Variants in RHOT2 observed in about 807,000 individuals in gnomAD.
The protein encoded by RHOT2 is ras homolog family member T2.
In RHOT2, 90 loss-of-function variants were observed where a neutral mutation model predicts 81.6. That is an observed-to-expected ratio of 1.10 (90% CI 0.93 to 1.31). The LOEUF (loss-of-function observed/expected upper bound fraction) is 1.31. Among genes scored for constraint, RHOT2 ranks in the 40% most tolerant of loss-of-function variants. The pLI is 0.00. For synonymous variants in RHOT2, 512 were observed against 370.9 expected, an observed-to-expected ratio of 1.38 and a Z score of -4.37; for missense variants, 1,014 against 841.9, an observed-to-expected ratio of 1.20 and a Z score of -2.53.
At position 671,691 on chromosome 16, in the gene RHOT2, C is replaced by A; in HGVS notation, c.870-6C>A. On this transcript the variant is annotated splice_region_variant and splice_polypyrimidine_tract_variant and intron_variant, in intron 11 of 18. Transcript: ENST00000315082. ...GGGAGCTAGACGGGCTGTGGCCTCCCTGCAGGATCCACGTGCCCCCCGGCT... is the reference window on the plus strand; with the variant it reads ...GGGAGCTAGACGGGCTGTGGCCTCCATGCAGGATCCACGTGCCCCCCGGCT... The A allele has an allele frequency of 6.2e-7, 1 of 1,611,250 alleles. No individual in the cohort carries two copies. The highest frequency in any genetic ancestry group is 8.5e-7 in the Non-Finnish European group (1 of 1,178,942).
chr16:668,918 CG>C (rs2038408132), intron 4 of RHOT2: 1 of 538,166 alleles, frequency 1.9e-6, no homozygotes. Context: ...CCCTTCCCCG[CG>C]GGCTCTCCCT....
intron 6 of RHOT2, 34 bp from the exon 7 acceptor site, chr16:670,215 C>T: frequency 1.2e-6 from 2 of 1,611,812 alleles, no homozygotes; most frequent in Non-Finnish European, 1.7e-6. Flanking sequence ...CCCCTGGCTC[C>T]CCTGCCCCTG....
chr16:673,752 T>A lies in RHOT2; in HGVS notation c.*146T>A. 2.0e-6 allele frequency: 2 copies of A among 1,011,348 alleles called. No individual in the cohort carries two copies. Among genetic ancestry groups the A allele is most frequent in the Non-Finnish European group, 2.8e-6 (2 of 703,858 alleles). 62.6% of individuals were successfully genotyped at this position (1,011,348 alleles called of 1,614,324 possible). ...ACTTTTTGTTTCTGAAGGCAGTCGA[T>A]CTGCAGCGGGGCCTTATGCTGCCAT... On this transcript the variant is annotated 3_prime_UTR_variant, in exon 19 of 19. Coordinates refer to ENST00000315082, the MANE Select transcript of RHOT2 (RefSeq NM_138769.3).
chr16:671,575 G>A (rs1446696060), intron 11 of RHOT2, 122 bp from the exon 12 acceptor site: 12 of 1,103,634 alleles, frequency 1.1e-5, no homozygotes, highest in South Asian at 8.7e-5. Flanking sequence ...GGGGCGTACA[G>A]GAGCCTCTGG....
At chr16:668,114 C>T, upstream of RHOT2, 2 of 415,204 alleles carry the variant, frequency 4.8e-6, no homozygotes, top group Non-Finnish European at 8.4e-6. Flanking sequence ...ACCGGAAGTG[C>T]GGGGCGGGCG....
Position 672,001 on chromosome 16 carries a change from A to G in RHOT2, c.1096A>G (p.Thr366Ala). The change falls in exon 13 of 19, where the codon ACC becomes GCC. Residue 366 changes from threonine (T) to alanine (A), a missense_variant and splice_region_variant. Thr to Ala is a moderately conservative substitution (Grantham distance 58). Transcript: ENST00000315082. ...LPLHGYLCQW[T>A]LVTYLDVRSC... The stretch of plus-strand genomic sequence containing the variant: ...CCTGCACGGATACCTCTGCCAGTGG[A>G]CGTAAGTGCGGCCCACACCATGCCC... 3 of 1,611,670 alleles carry G rather than the reference A, an allele frequency of 1.9e-6. No individual in the cohort carries two copies. The highest frequency in any genetic ancestry group is 2.5e-6 in the Non-Finnish European group (3 of 1,179,492).
rs761605918 is a variant in RHOT2, at chr16:672,392, C to T, written c.1326+8C>T. 58 of 1,608,010 alleles carry T rather than the reference C, an allele frequency of 3.6e-5. No homozygotes were observed. The South Asian group carries it at 6.2e-4, about 17-fold the overall frequency. ...CTCGGCCGCGGCCTGGGGGTAAGCA[C>T]CCTAGACTCCCCCACCACCCCAGGG... is the stretch of plus-strand genomic sequence containing the variant. On this transcript the variant is annotated splice_region_variant and intron_variant, in intron 15 of 18. Coordinates refer to ENST00000315082, the MANE Select transcript of RHOT2 (RefSeq NM_138769.3).
chr16:669,745 C>T (rs1156499157), intron 5 of RHOT2, 139 bp downstream of exon 5: 3 of 822,104 alleles, frequency 3.6e-6, no homozygotes, highest in African/African-American at 1.7e-5. Context: ...GACGTGGAGT[C>T]ACCCGGCCCT....
At chr16:672,024 C>G (rs1018814276) in intron 13 of RHOT2, 22 bp downstream of exon 13, 3 of 1,611,680 alleles carry the variant, frequency 1.9e-6, no homozygotes, top group Non-Finnish European at 2.5e-6. Context: ...CCACACCATG[C>G]CCGCCTGCCG....
intron 11 of RHOT2, 63 bp from the exon 12 acceptor site, chr16:671,632 CAG>C: frequency 6.5e-7 from 1 of 1,534,266 alleles, no homozygotes; most frequent in African/African-American, 1.4e-5. Flanking sequence ...GGCAGGGTGA[CAG>C]ATGGGCTGAG....
intron 15 of RHOT2, 23 bp downstream of exon 15, chr16:672,407 C>T: frequency 6.2e-7 from 1 of 1,607,470 alleles, no homozygotes; most frequent in Non-Finnish European, 8.5e-7. Context: ...GACTCCCCCA[C>T]CACCCCAGGG....
At position 668,707 on chromosome 16, in the gene RHOT2, T is replaced by A; in HGVS notation, c.222+8T>A. 6.3e-7 allele frequency: 1 copy of A among 1,592,978 alleles called. No individual in the cohort carries two copies. Among genetic ancestry groups the A allele is most frequent in the Non-Finnish European group, 8.5e-7 (1 of 1,171,878 alleles). ...CGGGAGGAGATCCACAAGGTACCCG[T>A]GGTGCGCGGGACGAGGGAGGGGCTG... On this transcript the variant is annotated splice_region_variant and intron_variant, in intron 4 of 18. Coordinates refer to ENST00000315082, the MANE Select transcript of RHOT2 (RefSeq NM_138769.3).
intron 15 of RHOT2, 32 bp downstream of exon 15, chr16:672,416 G>A: frequency 6.2e-7 from 1 of 1,602,474 alleles, no homozygotes; most frequent in Non-Finnish European, 8.5e-7. Flanking sequence ...ACCACCCCAG[G>A]GGCTCCAGGG....
intron 18 of RHOT2, 43 bp from the exon 19 acceptor site, chr16:673,437 G>T (rs769748408): frequency 5.7e-5 from 92 of 1,611,402 alleles, no homozygotes; most frequent in South Asian, 3.5e-4. Flanking sequence ...CAAGCTGGGG[G>T]CATGTGCCTG....
At position 672,303 on chromosome 16, in the gene RHOT2, C is replaced by T. The variant is rs762549610; in HGVS notation, c.1245C>T (p.Ser415=). 1.3e-5 allele frequency: 21 copies of T among 1,612,234 alleles called. No individual in the cohort carries two copies. Among genetic ancestry groups the T allele is most frequent in the Non-Finnish European group, 1.5e-5 (18 of 1,179,726 alleles). The part of the protein sequence containing the change: ...LDQEKGQTQR[S]VLLCKVVGAR... ...AGGAGAAGGGACAGACGCAGCGGAG[C>T]GTCCTCCTGTGCAAGGTGGTAGGGG... is the stretch of plus-strand genomic sequence containing the variant. The change falls in exon 15 of 19, where the codon AGC becomes AGT. Residue 415 remains serine, a synonymous_variant. Coordinates refer to ENST00000315082, the MANE Select transcript of RHOT2 (RefSeq NM_138769.3).
intron 4 of RHOT2, 107 bp downstream of exon 4, chr16:668,806 A>G: frequency 8.0e-7 from 1 of 1,252,148 alleles, no homozygotes; most frequent in Non-Finnish European, 1.1e-6. Flanking sequence ...CTTGGCCCTG[A>G]TAATTCTGTG....
intron 4 of RHOT2, 46 bp downstream of exon 4, chr16:668,745 G>C: frequency 6.5e-7 from 1 of 1,544,784 alleles, no homozygotes; most frequent in Non-Finnish European, 8.7e-7. Flanking sequence ...CGCGGGCTCG[G>C]CCTAATCCGC....
intron 11 of RHOT2, 45 bp from the exon 12 acceptor site, chr16:671,652 C>T (rs1279236221): frequency 7.0e-6 from 11 of 1,580,954 alleles, no homozygotes; most frequent in Middle Eastern, 1.7e-4. Flanking sequence ...GAGCGTGGTG[C>T]TGCAGAGTCT....
intron 4 of RHOT2, chr16:668,923 T>C (rs1000888363): frequency 3.9e-4 from 206 of 534,816 alleles, no homozygotes; most frequent in Admixed American, 2.7e-4. Flanking sequence ...CCCCGCGGGC[T>C]CTCCCTCCCT....
Sources: allele counts gnomAD v4.1 joint callset, GRCh38; gene constraint gnomAD v4.1.1; transcripts MANE v1.5; gene names NCBI Gene and HGNC (gene_info 2026-07-23, HGNC 2026-07-21).